EFCAB6: variants seen among roughly 807,000 people sequenced by gnomAD.
EFCAB6 encodes the protein EF-hand calcium binding domain 6.
A neutral mutation model predicts 169.8 loss-of-function variants in EFCAB6; 156 were observed. That is an observed-to-expected ratio of 0.92 (90% CI 0.81 to 1.05). The LOEUF (loss-of-function observed/expected upper bound fraction) is 1.05, where lower values mean the gene tolerates loss of function less well. EFCAB6 is among the 50% of genes least tolerant of loss of function. EFCAB6 has a pLI of 0.00. For missense variants in EFCAB6, 1,800 were observed against 1,829.1 expected, an observed-to-expected ratio of 0.98 and a Z score of 0.29; for synonymous variants, 698 against 676.4, an observed-to-expected ratio of 1.03 and a Z score of -0.50.
At chr22:43,564,175 C>T (rs974568215) in intron 26 of EFCAB6, among the ~76,000 whole-genome samples, 5 of 152,240 alleles carry the variant, frequency 3.3e-5, no homozygotes, top group Admixed American at 6.5e-5. Context: ...TGGCCAGGCA[C>T]GGTAGCTCAC....
At chr22:43,608,646 A>G in intron 21 of EFCAB6, 46 bp from the exon 22 acceptor site, 1 of 1,570,198 alleles carries the variant, frequency 6.4e-7, no homozygotes, top group Non-Finnish European at 8.8e-7. Flanking sequence ...AAATGTGCGT[A>G]TGACAGCAGA....
At chr22:43,776,470 A>C (rs1411146572) in intron 3 of EFCAB6, among the ~76,000 whole-genome samples, 2 of 152,220 alleles carry the variant, frequency 1.3e-5, no homozygotes, top group African/African-American at 2.4e-5. Context: ...TGCAATGAAA[A>C]TGGAAAGACA....
Position 43,767,070 on chromosome 22 carries a change from C to T in EFCAB6, c.352-1677G>A, listed in dbSNP as rs138573069. ...TTTAGATAAACATTAAATAAATATA[C>T]AATCAATATAAATCTATTTCATCAA... On this transcript the variant is annotated intron_variant, in intron 4 of 31. Coordinates refer to ENST00000262726, the MANE Select transcript of EFCAB6 (RefSeq NM_022785.4). 1.0e-3 allele frequency among the ~76,000 whole-genome samples: 156 copies of T among 152,232 alleles called. 1 individual carries two copies. Among genetic ancestry groups the T allele is most frequent in the African/African-American group, 3.6e-3 (148 of 41,542 alleles).
At chr22:43,573,460 C>T (rs1214846520) in intron 26 of EFCAB6, among the ~76,000 whole-genome samples, 6 of 9,074 alleles carry the variant, frequency 6.6e-4, no homozygotes, top group Non-Finnish European at 9.3e-4. Flanking sequence ...GGGCTGGGCA[C>T]GGTGGCTTAT....
chr22:43,570,459 T>C (rs1030356607), intron 26 of EFCAB6, among the ~76,000 whole-genome samples: 2 of 152,168 alleles, frequency 1.3e-5, no homozygotes, highest in African/African-American at 4.8e-5. Context: ...AAAAACAAGG[T>C]GATACTCTAC....
chr22:43,737,877 G>T (rs181958585), intron 6 of EFCAB6, among the ~76,000 whole-genome samples: 2 of 138,956 alleles, frequency 1.4e-5, no homozygotes, highest in African/African-American at 5.5e-5. Context: ...ACATATACTC[G>T]CATACACTCA....
At chr22:43,775,724 G>A (rs954970409) in intron 3 of EFCAB6, among the ~76,000 whole-genome samples, 2 of 152,178 alleles carry the variant, frequency 1.3e-5, no homozygotes, top group Non-Finnish European at 2.9e-5. Flanking sequence ...GATTACAGGC[G>A]TGAGCCACCG....
chr22:43,787,365 C>CACAT (rs1335228668), intron 2 of EFCAB6, among the ~76,000 whole-genome samples: 1 of 151,576 alleles, frequency 6.6e-6, no homozygotes, highest in African/African-American at 2.4e-5. Context: ...CACACACACA[C>CACAT]ACACACACAC....
chr22:43,555,236 T>G, intron 26 of EFCAB6, 140 bp from the exon 27 acceptor site: 2 of 853,914 alleles, frequency 2.3e-6, no homozygotes, highest in Non-Finnish European at 3.6e-6. Flanking sequence ...AGCCTGGAGG[T>G]GGGTTCAGGC....
chr22:43,793,709 C>CCTAGAGAAATTCAGCATTGCTG (rs2062395890), intron 2 of EFCAB6, among the ~76,000 whole-genome samples: 1 of 107,986 alleles, frequency 9.3e-6, no homozygotes. Flanking sequence ...TAACACTACT[C>CCTAGAGAAATTCAGCATTGCTG]TGTGGGGTAC....
intron 4 of EFCAB6, among the ~76,000 whole-genome samples, chr22:43,766,077 G>C (rs187122984): frequency 6.6e-6 from 1 of 151,850 alleles, no homozygotes; most frequent in Non-Finnish European, 1.5e-5. Context: ...GCTCTGTCAC[G>C]CAGGCTGGAG....
chr22:43,632,340 C>G, intron 18 of EFCAB6, 102 bp from the exon 19 acceptor site: 1 of 1,448,552 alleles, frequency 6.9e-7, no homozygotes, highest in African/African-American at 1.6e-5. Context: ...GCTCTTGTTG[C>G]CCAGGCTGGA....
chr22:43,539,643 G>T (rs2047581402), intron 28 of EFCAB6, among the ~76,000 whole-genome samples: 1 of 152,208 alleles, frequency 6.6e-6, no homozygotes, highest in Non-Finnish European at 1.5e-5. Context: ...GCTCCAGGCT[G>T]TGCAATTTGA....
intron 10 of EFCAB6, among the ~76,000 whole-genome samples, chr22:43,708,038 T>C (rs974026018): frequency 9.4e-5 from 12 of 127,920 alleles, no homozygotes; most frequent in Non-Finnish European, 1.8e-4. Flanking sequence ...AGAAATAAGA[T>C]ATTTAAGTCT....
intron 17 of EFCAB6, among the ~76,000 whole-genome samples, chr22:43,660,585 AC>A (rs918258006): frequency 2.6e-5 from 4 of 151,282 alleles, no homozygotes; most frequent in African/African-American, 4.9e-5. Flanking sequence ...ATTTTTTCCA[AC>A]CCCCCTTATA....
At chr22:43,531,078 A>G (rs988088845) in intron 30 of EFCAB6, 114 bp from the exon 31 acceptor site, 16 of 1,387,104 alleles carry the variant, frequency 1.2e-5, no homozygotes, top group African/African-American at 4.3e-5. Flanking sequence ...TCACCTCCCA[A>G]CCTGCTCCGC....
rs148602730 is a variant in EFCAB6 at position 43,756,902 on chromosome 22, G to C, written c.441-1070C>G. On this transcript the variant is annotated intron_variant, in intron 5 of 31. Coordinates refer to ENST00000262726, the MANE Select transcript of EFCAB6 (RefSeq NM_022785.4). ...CTGGTATGAAGCCCTTGGCTGGCAG[G>C]AGCTCAGCAGACCCCAGGGTCAGCA... Among the ~76,000 whole-genome samples the C allele has an allele frequency of 1.9e-3, 283 of 152,282 alleles. 2 individuals are homozygous for C. Among genetic ancestry groups the C allele is most frequent in the African/African-American group, 6.6e-3 (274 of 41,566 alleles).
intron 22 of EFCAB6, among the ~76,000 whole-genome samples, chr22:43,602,900 C>A (rs891929433): frequency 1.8e-4 from 27 of 151,930 alleles, no homozygotes; most frequent in African/African-American, 5.6e-4. Flanking sequence ...CAAAGTTTTT[C>A]CCACATGCTG....
intron 26 of EFCAB6, among the ~76,000 whole-genome samples, chr22:43,573,732 CA>C (rs748024357): frequency 0.16 from 13,372 of 85,560 alleles, 488 homozygotes; most frequent in African/African-American, 0.25. Context: ...TCTGTCTCAA[CA>C]AAAAAAAAAA....
Sources: allele counts gnomAD v4.1 joint callset (sites outside exome capture counted in the v4.1 genomes callset), GRCh38; gene constraint gnomAD v4.1.1; transcripts MANE v1.5; gene names NCBI Gene and HGNC (gene_info 2026-07-23, HGNC 2026-07-21).